The following RFX3 variants were observed in gnomAD, a reference collection of about 807,000 sequenced individuals.
RFX3 encodes regulatory factor X3.
A neutral mutation model predicts 98.6 loss-of-function variants in RFX3; 14 were observed. The observed-to-expected ratio is 0.14, with a 90% CI of 0.09 to 0.22. The LOEUF (loss-of-function observed/expected upper bound fraction) is 0.22. RFX3 is among the 10% of genes least tolerant of loss of function. RFX3 has a pLI of 1.00. For missense variants in RFX3, 639 were observed against 926.9 expected (o/e 0.69, Z 4.03); for synonymous variants, 383 against 328.4 (o/e 1.17, Z -1.80).
intron 4 of RFX3, 102 bp from the exon 5 acceptor site, chr9:3,301,722 A>C: frequency 1.3e-6 from 1 of 762,340 alleles, no homozygotes; most frequent in South Asian, 2.0e-5. Context: ...CTTCTTCCTC[A>C]ACGGTCGTTA....
intron 15 of RFX3, among the ~76,000 whole-genome samples, chr9:3,236,829 A>C (rs1783217754): frequency 6.6e-6 from 1 of 152,246 alleles, no homozygotes; most frequent in African/African-American, 2.4e-5. Context: ...TTCTGCCAGC[A>C]AATGGTAACT....
chr9:3,492,925 G>T lies in RFX3; in HGVS notation c.-9+32822C>A, dbSNP rs558962894. Among the ~76,000 whole-genome samples the T allele has an allele frequency of 9.9e-4, 151 of 152,186 alleles. 1 individual carries two copies. In the South Asian group the frequency reaches 0.029, roughly 29 times the overall value. On this transcript the variant is annotated intron_variant, in intron 1 of 16. Coordinates refer to ENST00000617270, the MANE Select transcript of RFX3 (RefSeq NM_001282116.2). The stretch of plus-strand genomic sequence containing the variant: ...TGAGTGAGCTTTCATTTGTATTCTT[G>T]CTCTTATTGGTGTCGGGGTGGGCCT...
chr9:3,344,830 G>A lies in RFX3; in HGVS notation c.215+1837C>T, dbSNP rs76210876. The A allele has an allele frequency of 0.02, 14,535 of 715,076 alleles. 1,321 individuals carry two copies. The African/African-American group carries it at 0.21, about 10-fold the overall frequency. The allele number at this position is 715,076 out of a possible 1,614,324, so 44.3% of individuals were successfully genotyped here. On this transcript the variant is annotated intron_variant, in intron 3 of 16. Transcript: ENST00000617270. Reference sequence around the variant, plus strand: ...TCATTTGGTATAAATGCCAACAGTAGTTTAAGTTTATGGTGAAGATTCCAA... The same window carrying A: ...TCATTTGGTATAAATGCCAACAGTAATTTAAGTTTATGGTGAAGATTCCAA...
chr9:3,507,456 T>C (rs1432478308), intron 1 of RFX3, among the ~76,000 whole-genome samples: 1 of 151,902 alleles, frequency 6.6e-6, no homozygotes, highest in African/African-American at 2.4e-5. Flanking sequence ...TCAGGTTGAT[T>C]TTATTAATCC....
intron 1 of RFX3, among the ~76,000 whole-genome samples, chr9:3,403,291 A>C (rs2132055645): frequency 1.3e-5 from 2 of 152,228 alleles, no homozygotes; most frequent in East Asian, 3.9e-4. Flanking sequence ...GGCTTTATCA[A>C]ATCAATAAAT....
At chr9:3,305,277 A>T (rs1829149613) in intron 4 of RFX3, among the ~76,000 whole-genome samples, 1 of 152,062 alleles carries the variant, frequency 6.6e-6, no homozygotes, top group South Asian at 2.1e-4. Flanking sequence ...TGTATGCGGG[A>T]ATCAGGGAAA....
intron 1 of RFX3, among the ~76,000 whole-genome samples, chr9:3,479,260 C>A (rs1275616607): frequency 6.6e-6 from 1 of 152,084 alleles, no homozygotes; most frequent in African/African-American, 2.4e-5. Flanking sequence ...TTATTTTACC[C>A]ATATTTTTGT....
At chr9:3,321,998 G>A (rs563670489) in intron 4 of RFX3, among the ~76,000 whole-genome samples, 51 of 151,992 alleles carry the variant, frequency 3.4e-4, no homozygotes, top group African/African-American at 1.2e-3. Flanking sequence ...CTATTCATGT[G>A]CTTAGATAAT....
chr9:3,265,082 A>G (rs770790598), intron 12 of RFX3, among the ~76,000 whole-genome samples: 2 of 147,542 alleles, frequency 1.4e-5, no homozygotes, highest in African/African-American at 2.4e-5. Flanking sequence ...CATGCTCTAC[A>G]TATGCCAAAG....
rs1827591139 is a variant in RFX3, at chr9:3,293,059, T to C, written c.731+18A>G. ...GAAAAAGAGAGATTAGTTTATGATC[T>C]TATTTTTCAATACTAACCTAGTGCC... On this transcript the variant is annotated intron_variant, in intron 6 of 16. Coordinates refer to ENST00000617270, the MANE Select transcript of RFX3 (RefSeq NM_001282116.2). The C allele has an allele frequency of 1.3e-6, 2 of 1,582,250 alleles. No individual in the cohort carries two copies. Among genetic ancestry groups the C allele is most frequent in the South Asian group, 2.3e-5 (2 of 86,680 alleles).
intron 13 of RFX3, among the ~76,000 whole-genome samples, chr9:3,261,915 T>G (rs1822950590): frequency 6.6e-6 from 1 of 152,204 alleles, no homozygotes; most frequent in South Asian, 2.1e-4. Context: ...ATTAAGCATC[T>G]TTTAATGTGA....
intron 1 of RFX3, among the ~76,000 whole-genome samples, chr9:3,448,689 T>C (rs1846274858): frequency 6.6e-6 from 1 of 152,122 alleles, no homozygotes. Context: ...TGGCCAATTC[T>C]TCAAATTTTT....
Position 3,228,785 on chromosome 9 carries a change from C to T in RFX3, c.2011+62G>A, listed in dbSNP as rs1398267185. On this transcript the variant is annotated intron_variant, in intron 16 of 16. Transcript: ENST00000617270. ...GTGTTGTAAACATATACCGTATTTT[C>T]CTCTGTAAGAACTTATTAATAAATA... 1.7e-5 allele frequency: 23 copies of T among 1,373,972 alleles called. No homozygotes were observed. In the South Asian group the frequency reaches 2.7e-4, roughly 16 times the overall value. The allele number at this position is 1,373,972 out of a possible 1,614,324, so 85.1% of individuals were successfully genotyped here. A position where few individuals can be genotyped will look rare whatever the true frequency, so the allele number is the denominator to read the frequency against.
At chr9:3,240,215 G>T (rs2130845964) in intron 15 of RFX3, among the ~76,000 whole-genome samples, 1 of 152,268 alleles carries the variant, frequency 6.6e-6, no homozygotes, top group East Asian at 1.9e-4. Flanking sequence ...CAAGGTAGGT[G>T]GATAGAACAG....
chr9:3,325,712 A>C (rs1330535278), intron 4 of RFX3, among the ~76,000 whole-genome samples: 1 of 152,106 alleles, frequency 6.6e-6, no homozygotes, highest in African/African-American at 2.4e-5. Flanking sequence ...CTCTGGTATA[A>C]GATAAATTAT....
intron 1 of RFX3, among the ~76,000 whole-genome samples, chr9:3,412,249 G>GT: frequency 6.6e-6 from 1 of 152,230 alleles, no homozygotes; most frequent in African/African-American, 2.4e-5. Flanking sequence ...TCAGAGAAAT[G>GT]TAAGCTCACA....
At chr9:3,377,142 C>T (rs1462583629) in intron 2 of RFX3, among the ~76,000 whole-genome samples, 2 of 152,182 alleles carry the variant, frequency 1.3e-5, no homozygotes, top group Non-Finnish European at 2.9e-5. Flanking sequence ...GACACATGCA[C>T]ACGTATGTTT....
chr9:3,355,722 A>G (rs546834969), intron 2 of RFX3, among the ~76,000 whole-genome samples: 1 of 152,076 alleles, frequency 6.6e-6, no homozygotes, highest in South Asian at 2.1e-4. Context: ...ATGTAACAAC[A>G]GCAGAACAGG....
intron 1 of RFX3, among the ~76,000 whole-genome samples, chr9:3,407,743 C>A (rs1564060212): frequency 6.6e-6 from 1 of 152,056 alleles, no homozygotes; most frequent in Non-Finnish European, 1.5e-5. Flanking sequence ...CGTGATAGAT[C>A]ATCCTCTAAA....
Sources: gnomAD v4.1 joint callset for allele counts (sites outside exome capture counted in the v4.1 genomes callset) on GRCh38, gnomAD v4.1.1 for gene constraint, MANE v1.5 for transcripts, NCBI Gene and HGNC (gene_info 2026-07-23, HGNC 2026-07-21) for gene names.